The following ABCC9 variants were observed in gnomAD, a reference collection of about 807,000 sequenced individuals.
ABCC9 encodes the protein ATP binding cassette subfamily C member 9, also known as ATP-binding cassette sub-family C member 9.
ABCC9 carries 95 observed loss-of-function variants against 188.3 expected under a neutral mutation model. The ratio of observed to expected loss-of-function variants is 0.50; its 90% confidence interval spans 0.43 to 0.60. The LOEUF (loss-of-function observed/expected upper bound fraction) is 0.60, where lower values mean the gene tolerates loss of function less well. ABCC9 is among the 20% of genes least tolerant of loss of function. The pLI, the probability that ABCC9 is intolerant of heterozygous loss-of-function variation, is 0.00. For synonymous variants in ABCC9, 659 were observed against 652.7 expected (o/e 1.01, Z -0.15); for missense variants, 1,102 against 1,876.3 (o/e 0.59, Z 7.62).
At chr12:21,886,824 T>C (rs1439903007) in intron 15 of ABCC9, among the ~76,000 whole-genome samples, 1 of 152,138 alleles carries the variant, frequency 6.6e-6, no homozygotes, top group African/African-American at 2.4e-5. Context: ...GATCTTTGCA[T>C]CTACTAGTTC....
At position 21,844,875 on chromosome 12, in the gene ABCC9, C is replaced by G. The variant is rs1944562571; in HGVS notation, c.3137G>C (p.Gly1046Ala). 5 of 1,613,800 alleles carry G rather than the reference C, an allele frequency of 3.1e-6. No homozygotes were observed. The highest frequency in any genetic ancestry group is 4.2e-6 in the Non-Finnish European group (5 of 1,179,826). The change falls in exon 27 of 40, where the codon GGC (glycine) becomes GCC (alanine). Residue 1046 changes from glycine to alanine, a missense_variant. Physicochemically the swap from Gly to Ala is moderately conservative, Grantham distance 60. This residue lies in a region of ABCC9 where 74 missense variants were observed against 132.7 expected (regional missense o/e 0.56). Coordinates refer to ENST00000261200, the MANE Select transcript of ABCC9 (RefSeq NM_020297.4). ...VAGFSILCGA[G>A]IFLCLVTSLT... ...GGATGTAACAAGGCAAAGGAAAATG[C>G]CTGCTCCACAGAGTATGCTAAAGCC...
At chr12:21,896,040 G>A (rs1947385824) in intron 12 of ABCC9, among the ~76,000 whole-genome samples, 1 of 149,966 alleles carries the variant, frequency 6.7e-6, no homozygotes, top group African/African-American at 2.5e-5. Flanking sequence ...TTGTAACAGA[G>A]CCAGGCAACA....
At chr12:21,919,968 T>C (rs1318905711) in intron 5 of ABCC9, among the ~76,000 whole-genome samples, 1 of 152,036 alleles carries the variant, frequency 6.6e-6, no homozygotes, top group African/African-American at 2.4e-5. Flanking sequence ...ATCAATGCAA[T>C]TTAGCATACT....
chr12:21,888,040 G>A, intron 14 of ABCC9, 106 bp from the exon 15 acceptor site: 2 of 821,618 alleles, frequency 2.4e-6, no homozygotes, highest in Non-Finnish European at 4.2e-6. Context: ...TGAGTAGGAT[G>A]CCTGTGAGAG....
rs1401777650 is a variant in ABCC9 at position 21,913,678 on chromosome 12, T to C, written c.817-612A>G. 3.9e-5 allele frequency among the ~76,000 whole-genome samples: 6 copies of C among 152,298 alleles called. No individual in the cohort carries two copies. In the East Asian group the frequency reaches 9.6e-4, roughly 24 times the overall value. On this transcript the variant is annotated intron_variant, in intron 7 of 39. Coordinates refer to ENST00000261200, the MANE Select transcript of ABCC9 (RefSeq NM_020297.4). Reference sequence around the variant, plus strand: ...AGGTATTCCTCAAAGAAATGCAAAATGAAGAACAGCATTTATACTTAAGTC... The same window carrying C: ...AGGTATTCCTCAAAGAAATGCAAAACGAAGAACAGCATTTATACTTAAGTC...
In ABCC9 at chr12:21,872,755, C is replaced by G. The variant is rs369350139; in HGVS notation, c.2093-25G>C. ...CCTAGGAAAGCAAAACAAAGGATAA[C>G]TACAGAATGAGATGGATTCTTGGTG... On this transcript the variant is annotated intron_variant, in intron 17 of 39. Transcript: ENST00000261200. 4.0e-6 allele frequency: 6 copies of G among 1,498,616 alleles called. No individual in the cohort carries two copies. In the African/African-American group the frequency reaches 8.3e-5, roughly 21 times the overall value. 92.8% of individuals were successfully genotyped at this position (1,498,616 alleles called of 1,614,324 possible). A position where few individuals can be genotyped will look rare whatever the true frequency, so the allele number is the denominator to read the frequency against.
chr12:21,870,982 G>A (rs11046218), intron 18 of ABCC9, among the ~76,000 whole-genome samples: 3 of 152,066 alleles, frequency 2.0e-5, no homozygotes, highest in African/African-American at 4.8e-5. Flanking sequence ...TGGGGCTGGG[G>A]CCTGGAAAGT....
rs894906427 is a variant in ABCC9, at chr12:21,925,497, T to G, written c.406+445A>C. The G allele has an allele frequency of 2.0e-5, 14 of 702,584 alleles. No homozygotes were observed. In the Admixed American group the frequency reaches 2.8e-4, roughly 14 times the overall value. 43.5% of individuals were successfully genotyped at this position (702,584 alleles called of 1,614,324 possible). On this transcript the variant is annotated intron_variant, in intron 5 of 39. Coordinates refer to ENST00000261200, the MANE Select transcript of ABCC9 (RefSeq NM_020297.4). ...AAATGTGGCATTCCCACAGCATCAG[T>G]GAAAGGCTTGAACCTTGGGAAAATG...
intron 4 of ABCC9, among the ~76,000 whole-genome samples, chr12:21,927,019 GAA>G (rs1372036916): frequency 1.3e-5 from 2 of 152,200 alleles, no homozygotes; most frequent in East Asian, 3.8e-4. Flanking sequence ...AGAACACTGA[GAA>G]AGTCATTCCA....
At chr12:21,905,180 C>A (rs1947976969) in intron 12 of ABCC9, among the ~76,000 whole-genome samples, 1 of 152,036 alleles carries the variant, frequency 6.6e-6, no homozygotes, top group Admixed American at 6.5e-5. Flanking sequence ...GACAAAAAAC[C>A]AAACACCACA....
In ABCC9 at chr12:21,799,126, T is replaced by C. The variant is rs896722801; in HGVS notation, c.*1918A>G. ...GTGGGGGGAGTGGGGAGGGATAGCA[T>C]TGGGAGATATACCTAATGCTAGATG... On this transcript the variant is annotated 3_prime_UTR_variant, in exon 40 of 40. Coordinates refer to ENST00000261200, the MANE Select transcript of ABCC9 (RefSeq NM_020297.4). 8.7e-5 allele frequency: 13 copies of C among 149,526 alleles called. No homozygotes were observed. The highest frequency in any genetic ancestry group is 2.1e-4 in the South Asian group (1 of 4,682). The allele number at this position is 149,526 out of a possible 1,614,324, so 9.3% of individuals were successfully genotyped here. A position where few individuals can be genotyped will look rare whatever the true frequency, so the allele number is the denominator to read the frequency against.
intron 39 of ABCC9, among the ~76,000 whole-genome samples, chr12:21,802,486 A>G (rs539013011): frequency 3.3e-5 from 5 of 152,298 alleles, no homozygotes; most frequent in Admixed American, 6.5e-5. Flanking sequence ...TTTTAACCCA[A>G]TCTATTCAGA....
intron 6 of ABCC9, among the ~76,000 whole-genome samples, chr12:21,916,286 T>C (rs544125691): frequency 4.6e-5 from 7 of 152,206 alleles, no homozygotes; most frequent in Non-Finnish European, 1.0e-4. Context: ...TCTTGATCTA[T>C]GGTTTCCTGA....
rs142958789 is a variant in ABCC9 at position 21,895,337 on chromosome 12, A to G, written c.1619-22T>C. 688 of 1,604,168 alleles carry G rather than the reference A, an allele frequency of 4.3e-4. 2 individuals carry two copies. The African/African-American group carries it at 8.5e-3, about 20-fold the overall frequency. The stretch of plus-strand genomic sequence containing the variant: ...AAGACTGTGGAAAGAAATAAAATGC[A>G]TTAGTTTCATTGAACTGTGAAAACA... On this transcript the variant is annotated intron_variant, in intron 12 of 39. Coordinates refer to ENST00000261200, the MANE Select transcript of ABCC9 (RefSeq NM_020297.4).
At chr12:21,940,264 A>G (rs1443955421) in intron 2 of ABCC9, among the ~76,000 whole-genome samples, 1 of 152,246 alleles carries the variant, frequency 6.6e-6, no homozygotes, top group Admixed American at 6.5e-5. Context: ...ATTCTTACAT[A>G]TAAAAGGATT....
chr12:21,852,267 T>C (rs776900364), intron 23 of ABCC9, 45 bp from the exon 24 acceptor site: 15 of 1,613,660 alleles, frequency 9.3e-6, no homozygotes, highest in South Asian at 3.3e-5. Flanking sequence ...AAAGCCTTGA[T>C]TGGCAAAATG....
intron 29 of ABCC9, among the ~76,000 whole-genome samples, chr12:21,841,143 T>C (rs886301435): frequency 6.6e-6 from 1 of 152,198 alleles, no homozygotes; most frequent in Non-Finnish European, 1.5e-5. Flanking sequence ...AATGAGTGCT[T>C]AGTATTTGTT....
intron 4 of ABCC9, among the ~76,000 whole-genome samples, chr12:21,928,033 A>C (rs1374727796): frequency 6.6e-6 from 1 of 152,092 alleles, no homozygotes; most frequent in Non-Finnish European, 1.5e-5. Flanking sequence ...CAGCCTGGGC[A>C]ACATGGTGAA....
chr12:21,842,492 G>A (rs199788258), intron 28 of ABCC9, 21 bp from the exon 29 acceptor site: 3 of 1,612,490 alleles, frequency 1.9e-6, no homozygotes, highest in Non-Finnish European at 2.5e-6. Context: ...AGTTTAAAAG[G>A]AAAATATGAT....
Sources: allele counts gnomAD v4.1 joint callset (sites outside exome capture counted in the v4.1 genomes callset), GRCh38; gene constraint gnomAD v4.1.1; regional missense constraint gnomAD v4.1.1; transcripts MANE v1.5; gene names NCBI Gene and HGNC (gene_info 2026-07-23, HGNC 2026-07-21).